The following FAM168A variants were observed in gnomAD, a reference collection of about 807,000 sequenced individuals.
FAM168A encodes the protein protein FAM168A.
In FAM168A, 3 loss-of-function variants were observed where a neutral mutation model predicts 28.5. The ratio of observed to expected loss-of-function variants is 0.11; its 90% CI spans 0.05 to 0.27. The LOEUF (loss-of-function observed/expected upper bound fraction) is 0.27. Among genes scored for constraint, FAM168A ranks in the 10% least tolerant of loss-of-function variants. The pLI, the probability that FAM168A is intolerant of heterozygous loss-of-function variation, is 1.00. For missense variants in FAM168A, 222 were observed against 311.5 expected, an observed-to-expected ratio of 0.71 and a Z score of 2.16; for synonymous variants, 122 against 124.2, an observed-to-expected ratio of 0.98 and a Z score of 0.12.
At chr11:73,467,845 A>G (rs1050556230) in intron 2 of FAM168A, among the ~76,000 whole-genome samples, 3 of 152,250 alleles carry the variant, frequency 2.0e-5, no homozygotes, top group Non-Finnish European at 2.9e-5. Flanking sequence ...GTTAGAATAA[A>G]TATACAAATA....
At chr11:73,552,538 A>G (rs1943841425) in intron 1 of FAM168A, among the ~76,000 whole-genome samples, 1 of 152,204 alleles carries the variant, frequency 6.6e-6, no homozygotes. Context: ...TTACATACCA[A>G]TATCATAGTA....
rs1866422282 is a variant in FAM168A, at chr11:73,402,058, T to C, written c.*4705A>G. On this transcript the variant is annotated 3_prime_UTR_variant, in exon 8 of 8. Coordinates refer to ENST00000356467, the MANE Select transcript of FAM168A (RefSeq NM_015159.3). ...CCCATCAGTTAGTCTGGCGTGTTTCTTCAGCTCTGCGGGTGGGTCCCAACT... is the reference window on the plus strand; with the variant it reads ...CCCATCAGTTAGTCTGGCGTGTTTCCTCAGCTCTGCGGGTGGGTCCCAACT... 1.3e-5 allele frequency: 2 copies of C among 152,378 alleles called. No individual in the cohort carries two copies. Among genetic ancestry groups the C allele is most frequent in the South Asian group, 4.1e-4 (2 of 4,834 alleles). 9.4% of individuals were successfully genotyped at this position (152,378 alleles called of 1,614,324 possible).
intron 2 of FAM168A, among the ~76,000 whole-genome samples, chr11:73,450,389 G>A (rs1867404981): frequency 6.6e-6 from 1 of 152,194 alleles, no homozygotes; most frequent in Non-Finnish European, 1.5e-5. Context: ...CGATTTTGCT[G>A]GGAACCACCT....
intron 1 of FAM168A, among the ~76,000 whole-genome samples, chr11:73,511,552 G>A (rs1240673152): frequency 1.3e-5 from 2 of 152,146 alleles, no homozygotes; most frequent in Admixed American, 1.3e-4. Flanking sequence ...TTCAAAATAT[G>A]TAATGAATCT....
chr11:73,450,351 G>A (rs554968360), intron 2 of FAM168A, among the ~76,000 whole-genome samples: 1 of 152,304 alleles, frequency 6.6e-6, no homozygotes, highest in South Asian at 2.1e-4. Context: ...AGGTCCATTA[G>A]AATCATCCAG....
intron 1 of FAM168A, among the ~76,000 whole-genome samples, chr11:73,555,526 G>A (rs988668635): frequency 5.9e-5 from 9 of 151,846 alleles, no homozygotes; most frequent in African/African-American, 1.5e-4. Context: ...CGAACATGGC[G>A]AAACCCCATC....
chr11:73,475,110 C>A (rs912096858), intron 1 of FAM168A, among the ~76,000 whole-genome samples: 6 of 152,122 alleles, frequency 3.9e-5, no homozygotes, highest in Admixed American at 1.3e-4. Context: ...TCAACTATTT[C>A]TTTCAAAATA....
At position 73,555,127 on chromosome 11, in the gene FAM168A, A is replaced by G. The variant is rs1023935152; in HGVS notation, c.-19+42796T>C. ...GCCTAGAGAATAGAAACAGCTTAAC[A>G]TGCCTTGGGAAATGACATGTATTTC... On this transcript the variant is annotated intron_variant, in intron 1 of 7. Transcript: ENST00000356467. Among the ~76,000 whole-genome samples, 29 of 152,216 alleles carry G rather than the reference A, an allele frequency of 1.9e-4. 1 individual carries two copies. The highest frequency in any genetic ancestry group is 5.2e-4 in the Admixed American group (8 of 15,274).
chr11:73,559,990 G>A (rs1210349925), intron 1 of FAM168A, among the ~76,000 whole-genome samples: 3 of 152,140 alleles, frequency 2.0e-5, no homozygotes, highest in South Asian at 2.1e-4. Flanking sequence ...TACCACTACT[G>A]CAGCATTAAA....
intron 1 of FAM168A, among the ~76,000 whole-genome samples, chr11:73,518,326 C>T (rs1943331355): frequency 6.6e-6 from 1 of 151,662 alleles, no homozygotes; most frequent in Non-Finnish European, 1.5e-5. Context: ...TTCCAAACCT[C>T]ATGTTGAAAT....
chr11:73,495,654 ACAAGCGTATGAAGGT>A (rs1854859750), intron 1 of FAM168A, among the ~76,000 whole-genome samples: 1 of 152,248 alleles, frequency 6.6e-6, no homozygotes, highest in South Asian at 2.1e-4. Context: ...CAAATGACCA[ACAAGCGTATGAAGGT>A]ATGTTCAACA....
chr11:73,544,983 T>C (rs11235798), intron 1 of FAM168A, among the ~76,000 whole-genome samples: 6 of 78,710 alleles, frequency 7.6e-5, no homozygotes, highest in African/African-American at 2.9e-4. Context: ...ATATAATATA[T>C]TTTATATATA....
chr11:73,438,115 A>G (rs867592039), intron 2 of FAM168A, among the ~76,000 whole-genome samples: 4 of 152,146 alleles, frequency 2.6e-5, no homozygotes, highest in African/African-American at 2.4e-5. Context: ...CATCATCATC[A>G]TCGTCATCAT....
intron 1 of FAM168A, among the ~76,000 whole-genome samples, chr11:73,519,775 T>C (rs1387203349): frequency 7.7e-6 from 1 of 130,428 alleles, no homozygotes; most frequent in Non-Finnish European, 1.6e-5. Flanking sequence ...GACCAGAGCA[T>C]GTATGTGTGT....
At chr11:73,519,366 C>A (rs115495062) in intron 1 of FAM168A, among the ~76,000 whole-genome samples, 3 of 152,152 alleles carry the variant, frequency 2.0e-5, no homozygotes, top group African/African-American at 7.2e-5. Context: ...TGTCAGGCCC[C>A]AGACATTGTG....
intron 2 of FAM168A, among the ~76,000 whole-genome samples, chr11:73,437,453 A>G (rs73542998): frequency 0.31 from 41,352 of 133,490 alleles, 8,224 homozygotes; most frequent in African/African-American, 0.58. Flanking sequence ...GCCCAATCTA[A>G]AGTGCAGTGG....
intron 1 of FAM168A, among the ~76,000 whole-genome samples, chr11:73,589,611 G>A (rs1483749961): frequency 6.6e-6 from 1 of 152,106 alleles, no homozygotes; most frequent in Admixed American, 6.5e-5. Flanking sequence ...TATCAAAGAG[G>A]AATATCCACA....
In FAM168A at chr11:73,460,831, CA is replaced by C. The variant is rs996849810; in HGVS notation, c.70+7573del. On this transcript the variant is annotated intron_variant, in intron 2 of 7. Coordinates refer to ENST00000356467, the MANE Select transcript of FAM168A (RefSeq NM_015159.3). The stretch of plus-strand genomic sequence containing the variant: ...TCAAAGCACTTTTGAAGTAAGCAGA[CA>C]CTATTATCCCTACTTTATAGAAGAA... 1.6e-4 allele frequency among the ~76,000 whole-genome samples: 24 copies of C among 152,156 alleles called. 2 individuals carry two copies. Among genetic ancestry groups the C allele is most frequent in the Non-Finnish European group, 5.9e-5 (4 of 68,030 alleles).
At chr11:73,513,512 A>G (rs1282971945) in intron 1 of FAM168A, among the ~76,000 whole-genome samples, 1 of 151,426 alleles carries the variant, frequency 6.6e-6, no homozygotes, top group African/African-American at 2.4e-5. Context: ...ACCGCGCCCC[A>G]CCCAGGTAAA....
Sources: allele counts gnomAD v4.1 joint callset (sites outside exome capture counted in the v4.1 genomes callset), GRCh38; gene constraint gnomAD v4.1.1; transcripts MANE v1.5; gene names NCBI Gene and HGNC (gene_info 2026-07-23, HGNC 2026-07-21).